WDR72: variants seen among roughly 807,000 people sequenced by gnomAD.
WDR72 encodes WD repeat domain 72, also known as WD repeat-containing protein 72.
A neutral mutation model predicts 124.2 loss-of-function variants in WDR72; 120 were observed. The observed-to-expected ratio is 0.97, with a 90% CI of 0.83 to 1.12. The LOEUF is 1.12. Among genes scored for constraint, WDR72 ranks in the 50% most tolerant of loss-of-function variants. The probability of loss-of-function intolerance (pLI) is 0.00; values close to 1 mark genes in which losing one functional copy is unlikely to be tolerated. For synonymous variants in WDR72, 452 were observed against 441.7 expected (o/e 1.02, Z -0.29); for missense variants, 1,387 against 1,278.8 (o/e 1.08, Z -1.29).
At chr15:53,681,247 C>T (rs571358669) in intron 13 of WDR72, among the ~76,000 whole-genome samples, 41 of 152,240 alleles carry the variant, frequency 2.7e-4, no homozygotes, top group African/African-American at 9.6e-4. Flanking sequence ...CAGCTGGCTA[C>T]TGGGAAGTTG....
intron 14 of WDR72, among the ~76,000 whole-genome samples, chr15:53,627,052 T>A (rs1309256683): frequency 6.6e-6 from 1 of 152,204 alleles, no homozygotes; most frequent in Non-Finnish European, 1.5e-5. Context: ...ATTGTCTGAT[T>A]TGACTCTTTC....
At chr15:53,551,877 AAC>A (rs1893742879) in intron 18 of WDR72, among the ~76,000 whole-genome samples, 1 of 151,512 alleles carries the variant, frequency 6.6e-6, no homozygotes, top group African/African-American at 2.4e-5. Context: ...CACACACACA[AAC>A]ACACGCACAT....
At chr15:53,756,557 T>C (rs1293213086) in intron 1 of WDR72, 2 of 152,124 alleles carry the variant, frequency 1.3e-5, no homozygotes, top group Admixed American at 6.5e-5. Flanking sequence ...TTTAAACACT[T>C]ACTGTGTAGG....
At chr15:53,699,215 TA>T (rs1264172561) in intron 13 of WDR72, among the ~76,000 whole-genome samples, 1 of 152,236 alleles carries the variant, frequency 6.6e-6, no homozygotes, top group Non-Finnish European at 1.5e-5. Flanking sequence ...AATCTTTAGT[TA>T]TTTAGTAATT....
At chr15:53,627,977 A>G (rs2014277502) in intron 14 of WDR72, among the ~76,000 whole-genome samples, 1 of 152,180 alleles carries the variant, frequency 6.6e-6, no homozygotes, top group Admixed American at 6.5e-5. Context: ...TCTGACCACC[A>G]GTATACCACT....
At chr15:53,689,157 CAG>C (rs2016749872) in intron 13 of WDR72, among the ~76,000 whole-genome samples, 1 of 152,266 alleles carries the variant, frequency 6.6e-6, no homozygotes, top group Admixed American at 6.5e-5. Flanking sequence ...AGGCATGGGC[CAG>C]GACTTCACGT....
At chr15:53,671,787 A>T (rs892574997) in intron 13 of WDR72, among the ~76,000 whole-genome samples, 1 of 152,158 alleles carries the variant, frequency 6.6e-6, no homozygotes, top group South Asian at 2.1e-4. Flanking sequence ...TCAGTTTCTG[A>T]ATGTGACGTG....
intron 1 of WDR72, among the ~76,000 whole-genome samples, chr15:53,744,256 T>G (rs2018586446): frequency 6.6e-6 from 1 of 152,196 alleles, no homozygotes; most frequent in Non-Finnish European, 1.5e-5. Flanking sequence ...AAAATAATTA[T>G]TTTCTATGTT....
rs1891453961 is a variant in WDR72, at chr15:53,516,229, AAC to A, written c.*1468_*1469del. ...CAAGCAGTAAAATCATATTTTAGGA[AAC>A]AAAGAATGCACACTTTAATCTACTT... On this transcript the variant is annotated 3_prime_UTR_variant, in exon 20 of 20. Coordinates refer to ENST00000360509, the MANE Select transcript of WDR72 (RefSeq NM_182758.4). 6.6e-6 allele frequency: 1 copy of A among 152,174 alleles called. No individual in the cohort carries two copies. The highest frequency in any genetic ancestry group is 2.4e-5 in the African/African-American group (1 of 41,460). 9.4% of individuals were successfully genotyped at this position (152,174 alleles called of 1,614,324 possible). A position where few individuals can be genotyped will look rare whatever the true frequency, so the allele number is the denominator to read the frequency against.
At position 53,677,663 on chromosome 15, in the gene WDR72, T is replaced by A. The variant is rs554461984; in HGVS notation, c.1766-11895A>T. ...CATGGAGGACATGACTTTGCTCCCC[T>A]TTTTCCTTCCACCATGATTGTGAGG... On this transcript the variant is annotated intron_variant, in intron 13 of 19. Coordinates refer to ENST00000360509, the MANE Select transcript of WDR72 (RefSeq NM_182758.4). 2.0e-5 allele frequency among the ~76,000 whole-genome samples: 3 copies of A among 152,274 alleles called. No homozygotes were observed. The East Asian group carries it at 5.8e-4, about 29-fold the overall frequency.
At chr15:53,644,388 T>C (rs1341082815) in intron 14 of WDR72, among the ~76,000 whole-genome samples, 3 of 152,096 alleles carry the variant, frequency 2.0e-5, no homozygotes, top group South Asian at 4.1e-4. Flanking sequence ...TTTATCTTCA[T>C]TGACAGAAAC....
intron 1 of WDR72, chr15:53,756,696 C>G (rs1343140291): frequency 6.6e-6 from 1 of 152,188 alleles, no homozygotes; most frequent in Non-Finnish European, 1.5e-5. Flanking sequence ...AGACACTGTG[C>G]TGCTTAGATT....
intron 18 of WDR72, among the ~76,000 whole-genome samples, chr15:53,582,026 C>T (rs2011955015): frequency 6.6e-6 from 1 of 151,906 alleles, no homozygotes; most frequent in East Asian, 1.9e-4. Context: ...GAAGGGAAAC[C>T]TGCCAATTGT....
At chr15:53,714,137 C>A (rs1000146679) in intron 6 of WDR72, among the ~76,000 whole-genome samples, 1 of 151,198 alleles carries the variant, frequency 6.6e-6, no homozygotes, top group African/African-American at 2.5e-5. Flanking sequence ...CTGTAACGAA[C>A]AGAGAGATGT....
chr15:53,686,764 T>G (rs1165002375), intron 13 of WDR72, among the ~76,000 whole-genome samples: 1 of 150,092 alleles, frequency 6.7e-6, no homozygotes, highest in Non-Finnish European at 1.5e-5. Flanking sequence ...ATACATTTTT[T>G]TCAGCACCAC....
chr15:53,596,007 A>G (rs1037308580), intron 18 of WDR72, among the ~76,000 whole-genome samples: 12 of 152,122 alleles, frequency 7.9e-5, no homozygotes, highest in Non-Finnish European at 1.6e-4. Context: ...TTCTCTCTAC[A>G]TAACACTCTC....
intron 1 of WDR72, among the ~76,000 whole-genome samples, chr15:53,752,430 G>GAC (rs2018797640): frequency 1.3e-5 from 2 of 152,240 alleles, no homozygotes; most frequent in Admixed American, 1.3e-4. Context: ...TGTGCAGACA[G>GAC]ACACACACAC....
intron 18 of WDR72, among the ~76,000 whole-genome samples, chr15:53,531,782 AGGTT>A (rs1566945117): frequency 4.0e-5 from 2 of 49,950 alleles, no homozygotes; most frequent in African/African-American, 8.3e-5. Flanking sequence ...AGGAAACAAA[AGGTT>A]AAGAGATGAA....
At position 53,541,668 on chromosome 15, in the gene WDR72, G is replaced by A. The variant is rs1315439151; in HGVS notation, c.3149-18346C>T. On this transcript the variant is annotated intron_variant, in intron 18 of 19. Coordinates refer to ENST00000360509, the MANE Select transcript of WDR72 (RefSeq NM_182758.4). ...GAATGACTTTGACGAGCTGAGAGAA[G>A]AAGGCTTCAGATGATCAAATTACTC... Among the ~76,000 whole-genome samples, 3 of 151,576 alleles carry A rather than the reference G, an allele frequency of 2.0e-5. No homozygotes were observed. The East Asian group carries it at 5.8e-4, about 29-fold the overall frequency.
Sources: gnomAD v4.1 joint callset for allele counts (sites outside exome capture counted in the v4.1 genomes callset) on GRCh38, gnomAD v4.1.1 for gene constraint, MANE v1.5 for transcripts, NCBI Gene and HGNC (gene_info 2026-07-23, HGNC 2026-07-21) for gene names.